Variants in PAPPA2 observed in about 807,000 individuals in gnomAD.
The protein encoded by PAPPA2 is pappalysin 2, also known as pappalysin-2.
In PAPPA2, 86 loss-of-function variants were observed where a neutral mutation model predicts 176.4. The observed-to-expected ratio is 0.49, with a 90% CI of 0.41 to 0.58. PAPPA2 has a LOEUF of 0.58. Among genes scored for constraint, PAPPA2 ranks in the 20% least tolerant of loss-of-function variants. PAPPA2 has a pLI of 0.00. For synonymous variants in PAPPA2, 809 were observed against 852.2 expected (o/e 0.95, Z 0.88); for missense variants, 2,073 against 2,256.9 (o/e 0.92, Z 1.65).
chr1:176,556,653 C>T lies in PAPPA2; in HGVS notation c.331C>T (p.Leu111=). ...GNAVSLVPPD[L]TENPAGLRGA... Reference sequence around the variant, plus strand: ...TGCTGTGAGCCTTGTTCCCCCAGACCTGACTGAAAATCCAGCAGGACTGAG... The same window carrying T: ...TGCTGTGAGCCTTGTTCCCCCAGACTTGACTGAAAATCCAGCAGGACTGAG... The change falls in exon 2 of 23, where the codon CTG becomes TTG. Residue 111 remains leucine (L), a synonymous_variant. Coordinates refer to ENST00000367662, the MANE Select transcript of PAPPA2 (RefSeq NM_020318.3). 1 of 1,614,178 alleles carries T rather than the reference C, an allele frequency of 6.2e-7. No homozygotes were observed.
intron 1 of PAPPA2, among the ~76,000 whole-genome samples, chr1:176,486,690 G>A (rs991453202): frequency 1.3e-5 from 2 of 152,178 alleles, no homozygotes; most frequent in African/African-American, 4.8e-5. Flanking sequence ...TTGAAACCAG[G>A]TGAGCAGTCC....
intron 1 of PAPPA2, among the ~76,000 whole-genome samples, chr1:176,526,573 T>A (rs950425501): frequency 1.3e-5 from 2 of 152,184 alleles, no homozygotes; most frequent in Non-Finnish European, 2.9e-5. Context: ...CCTCAGTAGA[T>A]GATCTTGTGG....
At chr1:176,793,794 A>G (rs1191806795) in intron 20 of PAPPA2, 125 bp downstream of exon 20, 1 of 641,632 alleles carries the variant, frequency 1.6e-6, no homozygotes, top group Non-Finnish European at 2.6e-6. Flanking sequence ...CACATGGATT[A>G]TTCCTAGAAA....
At chr1:176,541,178 C>T (rs1031658154) in intron 1 of PAPPA2, among the ~76,000 whole-genome samples, 25 of 152,300 alleles carry the variant, frequency 1.6e-4, no homozygotes, top group African/African-American at 5.5e-4. Context: ...ATATAGGGGA[C>T]ACACAGTTCT....
Position 176,706,585 on chromosome 1 carries a change from A to G in PAPPA2, c.3457+135A>G, listed in dbSNP as rs1660892575. The G allele has an allele frequency of 4.2e-6, 3 of 721,520 alleles. No homozygotes were observed. The South Asian group carries it at 5.7e-5, about 14-fold the overall frequency. The allele number at this position is 721,520 out of a possible 1,614,324, so 44.7% of individuals were successfully genotyped here. A position where few individuals can be genotyped will look rare whatever the true frequency, so the allele number is the denominator to read the frequency against. On this transcript the variant is annotated intron_variant, in intron 10 of 22. Transcript: ENST00000367662. ...CTGATGTGTCCCTTGTATGCCAGGCATGAATTGTTTCACAGGTATTATCTC... is the reference window on the plus strand; with the variant it reads ...CTGATGTGTCCCTTGTATGCCAGGCGTGAATTGTTTCACAGGTATTATCTC...
intron 12 of PAPPA2, among the ~76,000 whole-genome samples, chr1:176,715,244 T>A (rs1661315631): frequency 6.6e-6 from 1 of 152,186 alleles, no homozygotes; most frequent in African/African-American, 2.4e-5. Context: ...CTAACTCTAG[T>A]TGCCAAGTTC....
intron 3 of PAPPA2, among the ~76,000 whole-genome samples, chr1:176,646,562 C>CT (rs1224052421): frequency 6.7e-6 from 1 of 150,288 alleles, no homozygotes; most frequent in Non-Finnish European, 1.5e-5. Context: ...CTGACCCCCA[C>CT]TATCATTCCC....
rs536513926 is a variant in PAPPA2, at chr1:176,616,707, A to G, written c.1991+21112A>G. The G allele has an allele frequency of 2.9e-4, 424 of 1,471,012 alleles. 1 individual carries two copies. The highest frequency in any genetic ancestry group is 3.6e-4 in the Non-Finnish European group (380 of 1,059,608). The allele number at this position is 1,471,012 out of a possible 1,614,324, so 91.1% of individuals were successfully genotyped here. On this transcript the variant is annotated intron_variant, in intron 3 of 22. Transcript: ENST00000367662. Reference sequence around the variant, plus strand: ...CTCCTCTATAAATTTATTTAAGGTCACATTGGTTGGATTGTGTGTAATAGG... The same window carrying G: ...CTCCTCTATAAATTTATTTAAGGTCGCATTGGTTGGATTGTGTGTAATAGG...
intron 20 of PAPPA2, among the ~76,000 whole-genome samples, chr1:176,799,271 G>C (rs1218575701): frequency 6.6e-6 from 1 of 151,916 alleles, no homozygotes; most frequent in African/African-American, 2.4e-5. Context: ...ACTATAAAAA[G>C]AAAAAGAAAA....
chr1:176,715,495 C>G (rs943380399), intron 12 of PAPPA2, among the ~76,000 whole-genome samples: 1 of 152,126 alleles, frequency 6.6e-6, no homozygotes, highest in African/African-American at 2.4e-5. Context: ...GCCTCTGTGC[C>G]CCAACTGGGC....
intron 12 of PAPPA2, among the ~76,000 whole-genome samples, chr1:176,723,490 TA>T (rs1165794089): frequency 7.1e-6 from 1 of 140,688 alleles, no homozygotes; most frequent in African/African-American, 2.6e-5. Flanking sequence ...TTTTTTTTTT[TA>T]AACCTTTCAG....
At chr1:176,743,944 T>C (rs1405505579) in intron 14 of PAPPA2, among the ~76,000 whole-genome samples, 1 of 152,210 alleles carries the variant, frequency 6.6e-6, no homozygotes, top group African/African-American at 2.4e-5. Context: ...AGGACATGGA[T>C]TGATGACCAT....
chr1:176,591,126 A>C (rs533671032), intron 2 of PAPPA2, among the ~76,000 whole-genome samples: 1 of 143,174 alleles, frequency 7.0e-6, no homozygotes, highest in African/African-American at 2.6e-5. Context: ...CACACACACA[A>C]AATTCCAGTG....
intron 17 of PAPPA2, among the ~76,000 whole-genome samples, chr1:176,773,760 T>A (rs1664333248): frequency 6.6e-6 from 1 of 152,208 alleles, no homozygotes; most frequent in African/African-American, 2.4e-5. Flanking sequence ...TTTGTTCATC[T>A]TTTTTTTAAA....
chr1:176,574,469 A>AT (rs1303670288), intron 2 of PAPPA2, among the ~76,000 whole-genome samples: 4 of 151,992 alleles, frequency 2.6e-5, no homozygotes, highest in Admixed American at 6.6e-5. Context: ...CCACCATTTG[A>AT]TTTTTTACCT....
intron 3 of PAPPA2, among the ~76,000 whole-genome samples, chr1:176,610,340 T>C (rs1006610874): frequency 3.7e-4 from 29 of 79,188 alleles, no homozygotes; most frequent in African/African-American, 3.2e-3. Flanking sequence ...TGCAAAGTTG[T>C]GTGTGGGGGG....
intron 1 of PAPPA2, among the ~76,000 whole-genome samples, chr1:176,521,551 T>C (rs1205908932): frequency 1.3e-5 from 2 of 152,158 alleles, no homozygotes; most frequent in African/African-American, 4.8e-5. Context: ...AAATAAGAAG[T>C]TGTGTTTTAA....
intron 20 of PAPPA2, among the ~76,000 whole-genome samples, chr1:176,795,011 T>G (rs774232957): frequency 1.3e-5 from 2 of 152,124 alleles, no homozygotes; most frequent in Non-Finnish European, 1.5e-5. Flanking sequence ...GGCAGCCGAA[T>G]CGTCAATGGT....
At chr1:176,596,583 C>T (rs1172383003) in intron 3 of PAPPA2, among the ~76,000 whole-genome samples, 1 of 152,216 alleles carries the variant, frequency 6.6e-6, no homozygotes, top group Non-Finnish European at 1.5e-5. Context: ...ACACTTAGTA[C>T]TTCAGATAAT....
Sources: allele counts gnomAD v4.1 joint callset (sites outside exome capture counted in the v4.1 genomes callset), GRCh38; gene constraint gnomAD v4.1.1; transcripts MANE v1.5; gene names NCBI Gene and HGNC (gene_info 2026-07-23, HGNC 2026-07-21).